The following MRPL44 variants were observed in gnomAD, a reference collection of about 807,000 sequenced individuals.
MRPL44 encodes the protein mitochondrial ribosomal protein L44.
In MRPL44, 21 loss-of-function variants were observed where a neutral mutation model predicts 25.9. That is an observed-to-expected ratio of 0.81 (90% confidence interval 0.58 to 1.17). The LOEUF is 1.17. MRPL44 is among the 50% of genes most tolerant of loss of function. The probability of loss-of-function intolerance (pLI) is 0.00; values close to 1 mark genes in which losing one functional copy is unlikely to be tolerated. For missense variants in MRPL44, 410 were observed against 398.9 expected, an observed-to-expected ratio of 1.03 and a Z score of -0.24; for synonymous variants, 169 against 151.0, an observed-to-expected ratio of 1.12 and a Z score of -0.87.
upstream of MRPL44, among the ~76,000 whole-genome samples, chr2:223,953,257 C>G (rs1689517072): frequency 6.6e-6 from 1 of 151,774 alleles, no homozygotes; most frequent in African/African-American, 2.4e-5. Context: ...GTCTCAGCCT[C>G]TCGAGTAGCT....
chr2:223,957,356 G>C, upstream of MRPL44: 1 of 1,347,444 alleles, frequency 7.4e-7, no homozygotes, highest in Non-Finnish European at 1.0e-6. Flanking sequence ...CGCCCCGGGG[G>C]CTGTCTCCGC....
intron 3 of MRPL44, among the ~76,000 whole-genome samples, 163 bp from the exon 4 acceptor site, chr2:223,966,700 C>G (rs575597963): frequency 1.3e-5 from 2 of 152,158 alleles, no homozygotes; most frequent in African/African-American, 2.4e-5. Context: ...GAACTTGCAA[C>G]AAATCTAGTT....
upstream of MRPL44, among the ~76,000 whole-genome samples, chr2:223,952,483 G>A (rs557301331): frequency 3.3e-5 from 5 of 152,062 alleles, no homozygotes; most frequent in East Asian, 7.7e-4. Flanking sequence ...CTTTGTATTC[G>A]GTTTCTTTCT....
Position 223,959,625 on chromosome 2 carries a change from G to C in MRPL44, c.271G>C (p.Ala91Pro), listed in dbSNP as rs1257162187. ...CTTTTCCTTAGATCTTCTCAAAACT[G>C]CATTTGTTAATAGCTGCTATATTAA... ...ENFSLDLLKT[A>P]FVNSCYIKSE... is the part of the protein sequence containing the mutation. Residue 91 changes from alanine (A) to proline (P), a missense_variant, in exon 2 of 4, where the codon GCA (alanine) becomes CCA (proline). Transcript: ENST00000258383. The C allele has an allele frequency of 6.2e-7, 1 of 1,614,174 alleles. No homozygotes were observed. Among genetic ancestry groups the C allele is most frequent in the Admixed American group, 1.7e-5 (1 of 60,028 alleles).
upstream of MRPL44, among the ~76,000 whole-genome samples, chr2:223,953,150 T>C (rs1031033141): frequency 2.0e-5 from 3 of 151,586 alleles, no homozygotes; most frequent in Admixed American, 6.6e-5. Context: ...TTTTTTTTTT[T>C]CCGAGACAGA....
chr2:223,967,154 G>T lies in MRPL44; in HGVS notation c.*120G>T. 1 of 1,002,510 alleles carries T rather than the reference G, an allele frequency of 1.0e-6. No individual in the cohort carries two copies. Among genetic ancestry groups the T allele is most frequent in the Non-Finnish European group, 1.4e-6 (1 of 710,962 alleles). The allele number at this position is 1,002,510 out of a possible 1,614,324, so 62.1% of individuals were successfully genotyped here. On this transcript the variant is annotated 3_prime_UTR_variant, in exon 4 of 4. Transcript: ENST00000258383. ...AGATGTTTTGTTTCTGTTTTTTACT[G>T]TGTTCCCAAAATTAAATAAGTGTTA...
At chr2:223,959,264 T>A (rs1224029128) in intron 1 of MRPL44, among the ~76,000 whole-genome samples, 2 of 152,236 alleles carry the variant, frequency 1.3e-5, no homozygotes, top group African/African-American at 4.8e-5. Context: ...GGCTAATGGC[T>A]TGGTCTTTTA....
At chr2:223,962,470 T>A (rs1273422262) in intron 2 of MRPL44, among the ~76,000 whole-genome samples, 1 of 151,524 alleles carries the variant, frequency 6.6e-6, no homozygotes, top group Non-Finnish European at 1.5e-5. Flanking sequence ...CCATCCATCC[T>A]GTTATCATAT....
upstream of MRPL44, among the ~76,000 whole-genome samples, chr2:223,954,114 G>A (rs541356156): frequency 6.6e-6 from 1 of 152,256 alleles, no homozygotes; most frequent in Admixed American, 6.5e-5. Context: ...ACCTACAGGG[G>A]TTAAAGGGTC....
Position 223,959,908 on chromosome 2 carries a change from CA to C in MRPL44, c.555del (p.Val186CysfsTer34). The stretch of plus-strand genomic sequence containing the variant: ...CAGTTAACACTGAGTGAAGAATTCC[CA>C]GTGCCCCCAGCTGTGTTACAGCAGA... ...VEQLTLSEEFPVPPAVLQQTF... is the reference protein window; with the variant it reads ...VEQLTLSEEFXVPPAVLQQTF... On this transcript the variant is annotated frameshift_variant, in exon 2 of 4. Transcript: ENST00000258383. LOFTEE classifies it high-confidence loss of function. 1 of 1,614,182 alleles carries C rather than the reference CA, an allele frequency of 6.2e-7. No homozygotes were observed. Among genetic ancestry groups the C allele is most frequent in the Non-Finnish European group, 8.5e-7 (1 of 1,180,040 alleles).
intron 2 of MRPL44, among the ~76,000 whole-genome samples, chr2:223,963,002 G>C (rs1689687301): frequency 6.6e-6 from 1 of 152,156 alleles, no homozygotes; most frequent in Admixed American, 6.5e-5. Context: ...TCACCTGGCA[G>C]AGTTTTTAAA....
intron 3 of MRPL44, among the ~76,000 whole-genome samples, chr2:223,965,031 A>G (rs1689721013): frequency 6.6e-6 from 1 of 152,116 alleles, no homozygotes; most frequent in Non-Finnish European, 1.5e-5. Context: ...ATTTTGGAGA[A>G]TGATCTTTTA....
intron 3 of MRPL44, among the ~76,000 whole-genome samples, chr2:223,964,519 A>G (rs1434473744): frequency 6.6e-6 from 1 of 152,204 alleles, no homozygotes; most frequent in Non-Finnish European, 1.5e-5. Flanking sequence ...ATCACGAAAG[A>G]CTTTATAAGT....
At chr2:223,960,399 A>G (rs370145633) in intron 2 of MRPL44, among the ~76,000 whole-genome samples, 1 of 152,226 alleles carries the variant, frequency 6.6e-6, no homozygotes, top group Non-Finnish European at 1.5e-5. Context: ...TTGGATTTCA[A>G]GTCCCTCTAA....
At chr2:223,951,887 T>C in the MRPL44 span, among the ~76,000 whole-genome samples, 1 of 152,236 alleles carries the variant, frequency 6.6e-6, no homozygotes, top group Non-Finnish European at 1.5e-5. Flanking sequence ...ATAGTTGTAC[T>C]GTAAGAATGA....
At chr2:223,959,150 A>G (rs150629819) in intron 1 of MRPL44, among the ~76,000 whole-genome samples, 208 of 152,340 alleles carry the variant, frequency 1.4e-3, no homozygotes, top group African/African-American at 4.4e-3. Flanking sequence ...AATATAACAT[A>G]CTAGTGTTTA....
intron 3 of MRPL44, among the ~76,000 whole-genome samples, chr2:223,966,327 A>G (rs1025125481): frequency 4.6e-5 from 7 of 152,180 alleles, no homozygotes; most frequent in African/African-American, 1.7e-4. Context: ...TATTTGTGTT[A>G]AAGTTTAAAT....
rs1689767243 is a variant in MRPL44 at position 223,967,681 on chromosome 2, A to G, written c.*647A>G. 6.6e-6 allele frequency: 1 copy of G among 152,124 alleles called. No individual in the cohort carries two copies. Among genetic ancestry groups the G allele is most frequent in the African/African-American group, 2.4e-5 (1 of 41,424 alleles). The allele number at this position is 152,124 out of a possible 1,614,324, so 9.4% of individuals were successfully genotyped here. A position where few individuals can be genotyped will look rare whatever the true frequency, so the allele number is the denominator to read the frequency against. On this transcript the variant is annotated 3_prime_UTR_variant, in exon 4 of 4. Transcript: ENST00000258383. ...GTATCTTATGTGAATTTTTTGCTGT[A>G]ATACCAATAAAGTTTTTTTTCTCCA...
At position 223,967,235 on chromosome 2, in the gene MRPL44, T is replaced by C; in HGVS notation, c.*201T>C. Reference sequence around the variant, plus strand: ...TCTGAAATCTTGGTTTGATCAAATCTTTTTTTTTTTCTCTTGAGATGGAGT... The same window carrying C: ...TCTGAAATCTTGGTTTGATCAAATCCTTTTTTTTTTCTCTTGAGATGGAGT... On this transcript the variant is annotated 3_prime_UTR_variant, in exon 4 of 4. Transcript: ENST00000258383. 3.0e-6 allele frequency: 1 copy of C among 329,386 alleles called. No individual in the cohort carries two copies. The highest frequency in any genetic ancestry group is 5.4e-6 in the Non-Finnish European group (1 of 186,902). The allele number at this position is 329,386 out of a possible 1,614,324, so 20.4% of individuals were successfully genotyped here. A position where few individuals can be genotyped will look rare whatever the true frequency, so the allele number is the denominator to read the frequency against.
Sources: allele counts gnomAD v4.1 joint callset (sites outside exome capture counted in the v4.1 genomes callset), GRCh38; gene constraint gnomAD v4.1.1; transcripts MANE v1.5; gene names NCBI Gene and HGNC (gene_info 2026-07-23, HGNC 2026-07-21).